KCNMA1: variants seen among roughly 807,000 people sequenced by gnomAD.
KCNMA1 encodes Calcium-activated potassium channel subunit alpha-1.
KCNMA1 carries 29 observed loss-of-function variants against 140.0 expected under a neutral mutation model. The ratio of observed to expected loss-of-function variants is 0.21; its 90% CI spans 0.15 to 0.28. The LOEUF is 0.28. KCNMA1 is among the 10% of genes least tolerant of loss of function. KCNMA1 has a pLI of 1.00. For synonymous variants in KCNMA1, 612 were observed against 611.9 expected (o/e 1.00, Z 0.00); for missense variants, 880 against 1,602.2 (o/e 0.55, Z 7.70).
intron 3 of KCNMA1, among the ~76,000 whole-genome samples, chr10:77,233,100 A>G (rs1335581849): frequency 1.3e-5 from 2 of 152,190 alleles, no homozygotes; most frequent in African/African-American, 2.4e-5. Context: ...TATGTTGCCC[A>G]CACTGGACAG....
intron 23 of KCNMA1, among the ~76,000 whole-genome samples, chr10:76,936,745 G>A (rs1340135689): frequency 6.6e-6 from 1 of 152,132 alleles, no homozygotes; most frequent in Non-Finnish European, 1.5e-5. Context: ...GCAGAGCCCT[G>A]GGAAAAAGGC....
At chr10:77,261,697 T>A (rs569644779) in intron 2 of KCNMA1, among the ~76,000 whole-genome samples, 2 of 152,208 alleles carry the variant, frequency 1.3e-5, no homozygotes, top group Admixed American at 6.5e-5. Context: ...CATTGCATCA[T>A]AAAACTTAAA....
At chr10:77,240,326 T>A (rs1383399245) in intron 3 of KCNMA1, among the ~76,000 whole-genome samples, 1 of 152,208 alleles carries the variant, frequency 6.6e-6, no homozygotes, top group Non-Finnish European at 1.5e-5. Flanking sequence ...TGGTGTGGCA[T>A]ACAGTATTTG....
intron 9 of KCNMA1, among the ~76,000 whole-genome samples, chr10:77,106,623 G>A (rs1006985568): frequency 3.9e-5 from 6 of 152,164 alleles, no homozygotes; most frequent in African/African-American, 1.4e-4. Context: ...ACTTCTTGGG[G>A]CAGTGATTGG....
At chr10:77,047,361 G>A (rs1273258058) in intron 14 of KCNMA1, among the ~76,000 whole-genome samples, 1 of 152,094 alleles carries the variant, frequency 6.6e-6, no homozygotes, top group Non-Finnish European at 1.5e-5. Flanking sequence ...CAACCCACAC[G>A]AGGTGTTCAG....
rs116840272 is a variant in KCNMA1, at chr10:77,516,590, C to T, written c.379-112567G>A. On this transcript the variant is annotated intron_variant, in intron 1 of 27. Transcript: ENST00000286628. ...AATTTAAGAATGAGAAAGTAAGATA[C>T]GTTCCAAAAGCTCTGCATGCTGCAA... Among the ~76,000 whole-genome samples the T allele has an allele frequency of 1.6e-3, 246 of 152,354 alleles. 1 individual carries two copies. The highest frequency in any genetic ancestry group is 5.7e-3 in the African/African-American group (236 of 41,574).
At chr10:77,524,817 C>T (rs1308449582) in intron 1 of KCNMA1, among the ~76,000 whole-genome samples, 1 of 152,164 alleles carries the variant, frequency 6.6e-6, no homozygotes, top group Non-Finnish European at 1.5e-5. Flanking sequence ...AGAGAAGGCT[C>T]TAAAGACTAC....
intron 5 of KCNMA1, among the ~76,000 whole-genome samples, chr10:77,126,004 C>T (rs1367182685): frequency 6.6e-6 from 1 of 152,040 alleles, no homozygotes; most frequent in Non-Finnish European, 1.5e-5. Flanking sequence ...TCTGGCTATA[C>T]CCAGAAAGAG....
intron 1 of KCNMA1, among the ~76,000 whole-genome samples, chr10:77,455,389 C>T (rs193376): frequency 0.41 from 62,825 of 152,070 alleles, 13,302 homozygotes; most frequent in South Asian, 0.61. Context: ...AGCCTGGTCA[C>T]GATGATGAGT....
intron 23 of KCNMA1, among the ~76,000 whole-genome samples, chr10:76,917,318 G>A (rs1376660739): frequency 1.3e-5 from 2 of 152,072 alleles, no homozygotes; most frequent in South Asian, 2.1e-4. Context: ...GAGAAAATAC[G>A]GGTTTGTACG....
At chr10:77,218,989 AT>A (rs1025816936) in intron 3 of KCNMA1, among the ~76,000 whole-genome samples, 4 of 151,782 alleles carry the variant, frequency 2.6e-5, no homozygotes, top group Admixed American at 1.3e-4. Flanking sequence ...GCCTGGCCTT[AT>A]TTTTTTTATT....
chr10:77,091,965 A>G (rs1424052649), intron 9 of KCNMA1: 1 of 152,260 alleles, frequency 6.6e-6, no homozygotes, highest in Non-Finnish European at 1.5e-5. Context: ...AGTTAATAAT[A>G]TCACCATTAT....
At chr10:77,308,689 G>T (rs1356786297) in intron 2 of KCNMA1, among the ~76,000 whole-genome samples, 1 of 152,082 alleles carries the variant, frequency 6.6e-6, no homozygotes, top group East Asian at 1.9e-4. Flanking sequence ...TCATGTGCAG[G>T]TTTCTCCACC....
At chr10:76,969,395 C>T (rs1451388166) in intron 20 of KCNMA1, among the ~76,000 whole-genome samples, 1 of 151,784 alleles carries the variant, frequency 6.6e-6, no homozygotes, top group Non-Finnish European at 1.5e-5. Flanking sequence ...TTAGCCTGAG[C>T]AGAACTGGAT....
chr10:77,499,263 C>T (rs956872640), intron 1 of KCNMA1, among the ~76,000 whole-genome samples: 6 of 151,992 alleles, frequency 3.9e-5, no homozygotes, highest in Admixed American at 1.3e-4. Context: ...AGGTCTAAGA[C>T]AGATTATACA....
chr10:77,509,736 G>A (rs1449684135), intron 1 of KCNMA1, among the ~76,000 whole-genome samples: 5 of 151,984 alleles, frequency 3.3e-5, no homozygotes, highest in Non-Finnish European at 7.4e-5. Context: ...AATCTCCTTC[G>A]GGAAGCATGT....
chr10:77,298,428 G>T (rs2075759056), intron 2 of KCNMA1, among the ~76,000 whole-genome samples: 1 of 152,114 alleles, frequency 6.6e-6, no homozygotes, highest in African/African-American at 2.4e-5. Context: ...TTTTAGCAGA[G>T]ACAGGGTTTC....
chr10:77,063,774 A>G (rs1183571545), intron 14 of KCNMA1: 3 of 985,290 alleles, frequency 3.0e-6, no homozygotes, highest in Admixed American at 6.1e-5. Flanking sequence ...AACCAAAGTC[A>G]AAAATTTGGA....
chr10:76,935,169 C>T (rs1363750672), intron 23 of KCNMA1, among the ~76,000 whole-genome samples: 1 of 152,158 alleles, frequency 6.6e-6, no homozygotes, highest in African/African-American at 2.4e-5. Flanking sequence ...ATTGTTGGAA[C>T]AGCTAGGGTC....
Sources: allele counts gnomAD v4.1 joint callset (sites outside exome capture counted in the v4.1 genomes callset), GRCh38; gene constraint gnomAD v4.1.1; transcripts MANE v1.5; gene names NCBI Gene and HGNC (gene_info 2026-07-23, HGNC 2026-07-21).